Variants in RGS9 observed in about 807,000 individuals in gnomAD.
The protein encoded by RGS9 is regulator of G-protein signalling 9.
A neutral mutation model predicts 102.0 loss-of-function variants in RGS9; 78 were observed. The observed-to-expected ratio is 0.76, with a 90% CI of 0.64 to 0.92. The LOEUF is 0.92. Ranked by LOEUF, RGS9 falls within the 40% of genes least tolerant of loss-of-function variation. The pLI, the probability that RGS9 is intolerant of heterozygous loss-of-function variation, is 0.00. For synonymous variants in RGS9, 353 were observed against 318.6 expected (o/e 1.11, Z -1.15); for missense variants, 833 against 866.1 (o/e 0.96, Z 0.48).
intron 1 of RGS9, among the ~76,000 whole-genome samples, chr17:65,143,320 CG>C (rs1910228609): frequency 6.6e-6 from 1 of 152,036 alleles, no homozygotes; most frequent in Non-Finnish European, 1.5e-5. Context: ...AGGAGCACCC[CG>C]GAGGCTGGAG....
intron 7 of RGS9, among the ~76,000 whole-genome samples, 171 bp from the exon 8 acceptor site, chr17:65,168,029 G>C (rs566688565): frequency 6.6e-6 from 1 of 151,060 alleles, no homozygotes; most frequent in South Asian, 2.1e-4. Flanking sequence ...GGTTAGAAGG[G>C]TGCTAGTACT....
chr17:65,202,464 AGAGT>A (rs1230902074), intron 14 of RGS9, among the ~76,000 whole-genome samples: 19 of 141,300 alleles, frequency 1.3e-4, no homozygotes, highest in Admixed American at 6.3e-4. Flanking sequence ...AGAGAGAGAG[AGAGT>A]GAGAGAGAGA....
At chr17:65,167,703 A>G (rs1911245194) in intron 7 of RGS9, among the ~76,000 whole-genome samples, 1 of 152,226 alleles carries the variant, frequency 6.6e-6, no homozygotes, top group Non-Finnish European at 1.5e-5. Flanking sequence ...GGAAAAGTTA[A>G]GAAGCCAGGA....
chr17:65,148,162 G>A (rs542139341), intron 1 of RGS9, among the ~76,000 whole-genome samples: 2 of 152,300 alleles, frequency 1.3e-5, no homozygotes, highest in South Asian at 4.1e-4. Context: ...AAGTGGAATC[G>A]TGTGGTATTT....
intron 13 of RGS9, among the ~76,000 whole-genome samples, chr17:65,198,475 C>T (rs1912681529): frequency 6.6e-6 from 1 of 152,032 alleles, no homozygotes; most frequent in Non-Finnish European, 1.5e-5. Context: ...AGGCTGGTCT[C>T]GAACTCTTAA....
At chr17:65,165,466 C>T (rs913727806) in intron 7 of RGS9, among the ~76,000 whole-genome samples, 3 of 151,214 alleles carry the variant, frequency 2.0e-5, no homozygotes, top group Non-Finnish European at 4.4e-5. Flanking sequence ...TGTAGGTTGG[C>T]CCATAAAGTA....
intron 11 of RGS9, among the ~76,000 whole-genome samples, chr17:65,192,832 C>T (rs1033828723): frequency 2.3e-4 from 35 of 152,026 alleles, no homozygotes; most frequent in African/African-American, 8.0e-4. Flanking sequence ...AGGGTAGAAC[C>T]CAACATGGCA....
chr17:65,226,494 T>C (rs1905685572), intron 18 of RGS9, among the ~76,000 whole-genome samples: 1 of 152,186 alleles, frequency 6.6e-6, no homozygotes, highest in Non-Finnish European at 1.5e-5. Flanking sequence ...CAACAGGCCC[T>C]GCAGAGGGAA....
At chr17:65,170,722 G>A (rs1911382636) in intron 8 of RGS9, among the ~76,000 whole-genome samples, 1 of 152,184 alleles carries the variant, frequency 6.6e-6, no homozygotes, top group Non-Finnish European at 1.5e-5. Context: ...TTCAGCATGA[G>A]GCTTTGATGG....
intron 17 of RGS9, among the ~76,000 whole-genome samples, chr17:65,213,878 ACTAT>A (rs1490420028): frequency 6.6e-6 from 1 of 152,326 alleles, no homozygotes; most frequent in East Asian, 1.9e-4. Flanking sequence ...GCGTCTCAAC[ACTAT>A]CTGTCTAGAG....
chr17:65,160,596 T>G lies in RGS9; in HGVS notation c.364+9T>G, dbSNP rs1910944522. 6.2e-7 allele frequency: 1 copy of G among 1,614,044 alleles called. No individual in the cohort carries two copies. Among genetic ancestry groups the G allele is most frequent in the Non-Finnish European group, 8.5e-7 (1 of 1,179,894 alleles). Reference sequence around the variant, plus strand: ...TGAAGATACCGATTACGGTAAATACTTCAGCCCCAACTATGCCTTTGGTAG... The same window carrying G: ...TGAAGATACCGATTACGGTAAATACGTCAGCCCCAACTATGCCTTTGGTAG... On this transcript the variant is annotated intron_variant, in intron 5 of 18. Transcript: ENST00000262406.
rs942288958 is a variant in RGS9 at position 65,225,138 on chromosome 17, G to A, written c.1544G>A (p.Arg515Gln). 10 of 1,613,508 alleles carry A rather than the reference G, an allele frequency of 6.2e-6. No individual in the cohort carries two copies. The highest frequency in any genetic ancestry group is 2.7e-5 in the African/African-American group (2 of 74,890). The change falls in exon 18 of 19, where the codon CGG becomes CAG. Residue 515 changes from arginine to glutamine, a missense_variant. Transcript: ENST00000262406. ...TTCGCCTCACCCAGCCGCTTCATCC[G>A]GCGACCCAGCACCACCATCTGCCCC... ...KPFASPSRFI[R>Q]RPSTTICPSP...
chr17:65,157,557 T>C (rs1019026855), intron 2 of RGS9, among the ~76,000 whole-genome samples: 3 of 151,966 alleles, frequency 2.0e-5, no homozygotes, highest in Non-Finnish European at 4.4e-5. Flanking sequence ...TCCTGCTGTT[T>C]TTCATGCCAT....
rs544334600 is a variant in RGS9, at chr17:65,207,827, C to T, written c.1204-95C>T. On this transcript the variant is annotated intron_variant, in intron 15 of 18. Transcript: ENST00000262406. The stretch of plus-strand genomic sequence containing the variant: ...GACAAATTCTCATAACTTTTCCATT[C>T]TACTGCCAAGGGAGGCTTGAAAATG... 46 of 849,674 alleles carry T rather than the reference C, an allele frequency of 5.4e-5. No homozygotes were observed. The South Asian group carries it at 6.3e-4, about 12-fold the overall frequency. The allele number at this position is 849,674 out of a possible 1,614,324, so 52.6% of individuals were successfully genotyped here.
chr17:65,160,295 A>G lies in RGS9; in HGVS notation c.268A>G (p.Lys90Glu). ...YGYIYPLQDP[K>E]NLILKPDGSL... is the part of the protein sequence containing the mutation. ...CTACATTTACCCCCTGCAAGACCCC[A>G]AGAATCTCATTCTCAAGCCTGATGG... Residue 90 changes from lysine (K) to glutamate (E), a missense_variant, in exon 4 of 19, where the codon AAG becomes GAG. Transcript: ENST00000262406. 6.2e-7 allele frequency: 1 copy of G among 1,614,198 alleles called. No individual in the cohort carries two copies. Among genetic ancestry groups the G allele is most frequent in the Non-Finnish European group, 8.5e-7 (1 of 1,180,028 alleles).
chr17:65,159,626 T>C (rs1414959685), intron 3 of RGS9, among the ~76,000 whole-genome samples: 2 of 152,148 alleles, frequency 1.3e-5, no homozygotes, highest in East Asian at 1.9e-4. Context: ...TCTGCTTTCA[T>C]TGATGCTTTG....
chr17:65,164,994 T>C (rs1911123528), intron 7 of RGS9, among the ~76,000 whole-genome samples: 2 of 152,294 alleles, frequency 1.3e-5, no homozygotes, highest in South Asian at 4.2e-4. Flanking sequence ...GATCTTAGGC[T>C]GATATTACTT....
rs116014988 is a variant in RGS9, at chr17:65,196,841, C to A, written c.861-285C>A. On this transcript the variant is annotated intron_variant, in intron 12 of 18. Transcript: ENST00000262406. ...ATGCCTTGGAGGAGGCATTTGAATTCGTTTGTCCTTAAGGTTAAGTGAGCA... is the reference window on the plus strand; with the variant it reads ...ATGCCTTGGAGGAGGCATTTGAATTAGTTTGTCCTTAAGGTTAAGTGAGCA... Among the ~76,000 whole-genome samples, 1,493 of 152,338 alleles carry A rather than the reference C, an allele frequency of 9.8e-3. 30 individuals carry two copies. Among genetic ancestry groups the A allele is most frequent in the African/African-American group, 0.034 (1,421 of 41,572 alleles).
intron 9 of RGS9, among the ~76,000 whole-genome samples, chr17:65,185,922 C>T (rs1912096186): frequency 6.6e-6 from 1 of 152,180 alleles, no homozygotes; most frequent in Admixed American, 6.5e-5. Flanking sequence ...CACCAGGCAG[C>T]CAGGATGCAT....
Sources: allele counts gnomAD v4.1 joint callset (sites outside exome capture counted in the v4.1 genomes callset), GRCh38; gene constraint gnomAD v4.1.1; transcripts MANE v1.5; gene names NCBI Gene and HGNC (gene_info 2026-07-23, HGNC 2026-07-21).